TRDN: variants seen among roughly 807,000 people sequenced by gnomAD.
The protein encoded by TRDN is triadin in skeletal muscle.
In TRDN, 161 loss-of-function variants were observed where a neutral mutation model predicts 149.7. The observed-to-expected ratio is 1.08, with a 90% CI of 0.95 to 1.23. The LOEUF is 1.23. Among genes scored for constraint, TRDN ranks in the 50% most tolerant of loss-of-function variants. The pLI is 0.00. For missense variants in TRDN, 896 were observed against 823.5 expected, an observed-to-expected ratio of 1.09 and a Z score of -1.08; for synonymous variants, 294 against 250.5, an observed-to-expected ratio of 1.17 and a Z score of -1.64.
chr6:123,255,331 A>G (rs1013833821), intron 36 of TRDN, among the ~76,000 whole-genome samples: 1 of 152,124 alleles, frequency 6.6e-6, no homozygotes, highest in African/African-American at 2.4e-5. Flanking sequence ...GTATAACATG[A>G]ATGTAGGAAC....
intron 23 of TRDN, among the ~76,000 whole-genome samples, chr6:123,322,217 T>C (rs1779267290): frequency 6.6e-6 from 1 of 152,316 alleles, no homozygotes; most frequent in Middle Eastern, 3.4e-3. Context: ...GTGATGATAT[T>C]CTCAAGTGAT....
At chr6:123,553,829 G>C (rs1481463425) in intron 2 of TRDN, among the ~76,000 whole-genome samples, 2 of 152,062 alleles carry the variant, frequency 1.3e-5, no homozygotes, top group Non-Finnish European at 2.9e-5. Flanking sequence ...TCTCCCACTG[G>C]GGCCCTCCCA....
Position 123,509,117 on chromosome 6 carries a change from C to T in TRDN, c.610+3186G>A, listed in dbSNP as rs376596278. ...TATACACACATATATATGTTTTAAA[C>T]AGGCACATATATACTTATGCATACA... On this transcript the variant is annotated intron_variant, in intron 7 of 40. Coordinates refer to ENST00000334268, the MANE Select transcript of TRDN (RefSeq NM_006073.4). Among the ~76,000 whole-genome samples, 316 of 151,798 alleles carry T rather than the reference C, an allele frequency of 2.1e-3. 10 individuals are homozygous for T. In the South Asian group the frequency reaches 0.056, roughly 27 times the overall value.
At chr6:123,247,993 T>C (rs770980803) in intron 38 of TRDN, among the ~76,000 whole-genome samples, 2 of 151,816 alleles carry the variant, frequency 1.3e-5, no homozygotes, top group Non-Finnish European at 2.9e-5. Flanking sequence ...AAACAAACAA[T>C]GGGAAAAGGA....
chr6:123,504,875 C>A (rs1032774326), intron 7 of TRDN, among the ~76,000 whole-genome samples: 12 of 152,162 alleles, frequency 7.9e-5, no homozygotes, highest in Admixed American at 6.5e-5. Flanking sequence ...TACACCACAG[C>A]AACTCTACTG....
intron 5 of TRDN, among the ~76,000 whole-genome samples, chr6:123,527,817 A>G (rs1335301488): frequency 6.6e-6 from 1 of 151,774 alleles, no homozygotes; most frequent in Admixed American, 6.6e-5. Context: ...TTTATGAGGT[A>G]CTGTATGTGA....
At position 123,225,525 on chromosome 6, in the gene TRDN, CACACACACAT is replaced by C. The variant is rs147333639; in HGVS notation, c.1976-1404_1976-1395del. ...TTCTCACCACACAGACACACACACA[CACACACACAT>C]ACACACACATACACACACACAGAAT... On this transcript the variant is annotated intron_variant, in intron 38 of 40. Transcript: ENST00000334268. 4.8e-3 allele frequency among the ~76,000 whole-genome samples: 422 copies of C among 87,476 alleles called. 1 individual carries two copies. Among genetic ancestry groups the C allele is most frequent in the African/African-American group, 0.011 (385 of 33,584 alleles). 57.4% of individuals were successfully genotyped at this position (87,476 alleles called of 152,430 possible).
chr6:123,517,011 A>G (rs1779441068), intron 5 of TRDN, among the ~76,000 whole-genome samples: 1 of 152,170 alleles, frequency 6.6e-6, no homozygotes, highest in Non-Finnish European at 1.5e-5. Flanking sequence ...AACACTTGCT[A>G]TGTGCTAAAG....
intron 21 of TRDN, among the ~76,000 whole-genome samples, chr6:123,343,889 TGTTATG>T (rs1369362762): frequency 6.6e-6 from 1 of 152,020 alleles, no homozygotes; most frequent in Non-Finnish European, 1.5e-5. Context: ...CTACTCCCAA[TGTTATG>T]GTATGGCACC....
intron 33 of TRDN, among the ~76,000 whole-genome samples, chr6:123,260,850 A>G (rs1776746231): frequency 6.6e-6 from 1 of 151,710 alleles, no homozygotes; most frequent in African/African-American, 2.4e-5. Context: ...TGAAAATAGA[A>G]CAAATATTCA....
intron 2 of TRDN, among the ~76,000 whole-genome samples, chr6:123,551,147 A>G (rs1443730239): frequency 2.0e-5 from 3 of 147,248 alleles, no homozygotes; most frequent in African/African-American, 7.6e-5. Context: ...AAAATCCAAC[A>G]AAATTGGGAT....
chr6:123,335,286 T>C (rs1212091659), intron 22 of TRDN, among the ~76,000 whole-genome samples: 1 of 151,826 alleles, frequency 6.6e-6, no homozygotes, highest in Non-Finnish European at 1.5e-5. Flanking sequence ...AAATCAATAA[T>C]CATATGCTGC....
At chr6:123,380,036 C>T (rs1220901476) in intron 16 of TRDN, among the ~76,000 whole-genome samples, 1 of 152,046 alleles carries the variant, frequency 6.6e-6, no homozygotes, top group African/African-American at 2.4e-5. Flanking sequence ...TTCAAAGATA[C>T]AACACTAACA....
intron 31 of TRDN, among the ~76,000 whole-genome samples, chr6:123,268,010 T>C (rs1425731416): frequency 6.6e-6 from 1 of 152,132 alleles, no homozygotes; most frequent in Non-Finnish European, 1.5e-5. Context: ...TTGGGGGCTG[T>C]GTTGTATAAG....
intron 20 of TRDN, among the ~76,000 whole-genome samples, chr6:123,353,769 T>C (rs1363421143): frequency 6.6e-6 from 1 of 151,694 alleles, no homozygotes; most frequent in Non-Finnish European, 1.5e-5. Flanking sequence ...ATTCCCTATA[T>C]TTCCAGGAAA....
chr6:123,490,663 C>G (rs957618776), intron 9 of TRDN, among the ~76,000 whole-genome samples: 7 of 152,154 alleles, frequency 4.6e-5, no homozygotes, highest in Non-Finnish European at 7.3e-5. Flanking sequence ...TCACAGTACT[C>G]TTTCTTTATA....
At chr6:123,479,663 A>G (rs1777655765) in intron 9 of TRDN, among the ~76,000 whole-genome samples, 2 of 152,164 alleles carry the variant, frequency 1.3e-5, no homozygotes, top group African/African-American at 2.4e-5. Flanking sequence ...CTTATACAAC[A>G]GTATCCTGTC....
chr6:123,507,156 AAC>A (rs1360314409), intron 7 of TRDN, among the ~76,000 whole-genome samples: 1 of 152,094 alleles, frequency 6.6e-6, no homozygotes, highest in East Asian at 1.9e-4. Flanking sequence ...AAACCTGTTA[AAC>A]TTGCCAACTT....
chr6:123,290,486 C>T (rs529632825), intron 24 of TRDN, among the ~76,000 whole-genome samples: 3 of 152,246 alleles, frequency 2.0e-5, no homozygotes, highest in African/African-American at 7.2e-5. Context: ...CTAAGTAAAT[C>T]ACTGATGTTC....
Sources: gnomAD v4.1 joint callset for allele counts (sites outside exome capture counted in the v4.1 genomes callset) on GRCh38, gnomAD v4.1.1 for gene constraint, MANE v1.5 for transcripts, NCBI Gene and HGNC (gene_info 2026-07-23, HGNC 2026-07-21) for gene names.